CORO2B: variants seen among roughly 807,000 people sequenced by gnomAD.
CORO2B encodes the protein coronin 2B.
In CORO2B, 26 loss-of-function variants were observed where a neutral mutation model predicts 58.8. That is an observed-to-expected ratio of 0.44 (90% CI 0.32 to 0.61). The LOEUF is 0.61. CORO2B is among the 20% of genes least tolerant of loss of function. The pLI, the probability that CORO2B is intolerant of heterozygous loss-of-function variation, is 0.04. For missense variants in CORO2B, 460 were observed against 645.1 expected (o/e 0.71, Z 3.11); for synonymous variants, 242 against 253.8 (o/e 0.95, Z 0.44).
chr15:68,584,383 G>C (rs941161540), intron 1 of CORO2B, among the ~76,000 whole-genome samples: 1 of 152,160 alleles, frequency 6.6e-6, no homozygotes, highest in African/African-American at 2.4e-5. Context: ...GAGGAAGCTG[G>C]GAAGGGTTTG....
chr15:68,618,070 C>G (rs1035275441), intron 1 of CORO2B, among the ~76,000 whole-genome samples: 1 of 152,122 alleles, frequency 6.6e-6, no homozygotes, highest in African/African-American at 2.4e-5. Flanking sequence ...GGCTTTCAGA[C>G]TTTTTTGCTA....
chr15:68,530,911 C>A, the CORO2B span, among the ~76,000 whole-genome samples: 3 of 152,112 alleles, frequency 2.0e-5, no homozygotes, highest in African/African-American at 7.2e-5. Context: ...ATTGTTTAGA[C>A]CATTTACAGT....
chr15:68,578,717 G>T (rs1016757799), upstream of CORO2B, among the ~76,000 whole-genome samples: 1 of 152,084 alleles, frequency 6.6e-6, no homozygotes, highest in Non-Finnish European at 1.5e-5. This position sits in a 1 kb window ranked among gnomAD's most constrained non-coding sequence, Gnocchi z 4.2. Flanking sequence ...CCGGGGCGCC[G>T]CCCGTTCTCC....
In CORO2B at chr15:68,579,163, G is replaced by T. The variant is rs1899349334; in HGVS notation, c.-100G>T. ...GAGCCGCCGGCGGGGCGCGGGGAGC[G>T]AGCCGGGAGCTGCCGGACCCCCTTC... On this transcript the variant is annotated 5_prime_UTR_variant, in exon 1 of 12. Coordinates refer to ENST00000261861, the MANE Select transcript of CORO2B (RefSeq NM_006091.5). 1.0e-6 allele frequency: 1 copy of T among 980,932 alleles called. No homozygotes were observed. The highest frequency in any genetic ancestry group is 1.2e-6 in the Non-Finnish European group (1 of 828,150). The allele number at this position is 980,932 out of a possible 1,614,324, so 60.8% of individuals were successfully genotyped here.
the CORO2B span, among the ~76,000 whole-genome samples, chr15:68,524,657 A>C: frequency 6.6e-6 from 1 of 152,254 alleles, no homozygotes; most frequent in African/African-American, 2.4e-5. Flanking sequence ...AGTTAAATAA[A>C]TTCTTCTAAG....
At chr15:68,557,514 C>A in the CORO2B span, among the ~76,000 whole-genome samples, 1 of 152,218 alleles carries the variant, frequency 6.6e-6, no homozygotes, top group Non-Finnish European at 1.5e-5. Context: ...AGGGGCCAGT[C>A]TATCCAAGGT....
chr15:68,673,360 T>TA (rs11410636), intron 2 of CORO2B, among the ~76,000 whole-genome samples: 152,180 of 152,184 alleles, frequency 1, 76,088 homozygotes, highest in Non-Finnish European at 1. Context: ...ACCCTGTCTC[T>TA]CAAATGAAAA....
At chr15:68,707,727 A>G (rs1892816019) in intron 3 of CORO2B, among the ~76,000 whole-genome samples, 1 of 152,230 alleles carries the variant, frequency 6.6e-6, no homozygotes, top group African/African-American at 2.4e-5. Context: ...TAGCCCAAGC[A>G]TTAGTCTCCC....
At chr15:68,684,012 G>T (rs1596011910) in intron 2 of CORO2B, among the ~76,000 whole-genome samples, 1 of 152,164 alleles carries the variant, frequency 6.6e-6, no homozygotes, top group African/African-American at 2.4e-5. Flanking sequence ...TTTTGGAGCT[G>T]GGGAGTTATT....
At chr15:68,561,515 A>G in the CORO2B span, among the ~76,000 whole-genome samples, 1 of 152,168 alleles carries the variant, frequency 6.6e-6, no homozygotes, top group Non-Finnish European at 1.5e-5. Context: ...CCGGTTGTCA[A>G]GGAAACCAGG....
At chr15:68,679,505 A>G (rs1902703203) in intron 2 of CORO2B, among the ~76,000 whole-genome samples, 1 of 152,244 alleles carries the variant, frequency 6.6e-6, no homozygotes. Context: ...GCACAGAGGC[A>G]GAGGGAGGAA....
chr15:68,603,321 A>G (rs1900030038), intron 1 of CORO2B, among the ~76,000 whole-genome samples: 1 of 152,212 alleles, frequency 6.6e-6, no homozygotes, highest in Non-Finnish European at 1.5e-5. Flanking sequence ...GTATGCACAG[A>G]TGAGCGAAAG....
chr15:68,705,027 C>T (rs942023512), intron 3 of CORO2B, among the ~76,000 whole-genome samples: 3 of 152,170 alleles, frequency 2.0e-5, no homozygotes, highest in Non-Finnish European at 4.4e-5. Flanking sequence ...CCCAGCTACT[C>T]AGGCCCACTG....
chr15:68,623,244 G>A (rs1019069527), intron 1 of CORO2B, among the ~76,000 whole-genome samples: 1 of 152,328 alleles, frequency 6.6e-6, no homozygotes, highest in Admixed American at 6.5e-5. Context: ...GTCACACAGC[G>A]AGGAACCGGC....
At position 68,579,138 on chromosome 15, in the gene CORO2B, G is replaced by T. The variant is rs1276873346; in HGVS notation, c.-125G>T. ...CGGAGCGCAGCCCCCAGGCTCGGCC[G>T]AGCCGCCGGCGGGGCGCGGGGAGCG... On this transcript the variant is annotated 5_prime_UTR_variant, in exon 1 of 12. Transcript: ENST00000261861. 6 of 981,498 alleles carry T rather than the reference G, an allele frequency of 6.1e-6. No individual in the cohort carries two copies. The highest frequency in any genetic ancestry group is 7.2e-6 in the Non-Finnish European group (6 of 828,302). 60.8% of individuals were successfully genotyped at this position (981,498 alleles called of 1,614,324 possible).
chr15:68,545,612 C>CTGGGGGGGG, the CORO2B span, among the ~76,000 whole-genome samples: 6 of 53,290 alleles, frequency 1.1e-4, no homozygotes, highest in South Asian at 8.7e-4. Context: ...ATGCGGGGGG[C>CTGGGGGGGG]GGGGGGGGTA....
At chr15:68,545,606 G>C in the CORO2B span, among the ~76,000 whole-genome samples, 3 of 104,478 alleles carry the variant, frequency 2.9e-5, no homozygotes, top group South Asian at 3.3e-4. Context: ...ACAGGAATGC[G>C]GGGGGCGGGG....
intron 2 of CORO2B, among the ~76,000 whole-genome samples, chr15:68,667,560 A>G (rs976880294): frequency 6.6e-6 from 1 of 152,256 alleles, no homozygotes; most frequent in Non-Finnish European, 1.5e-5. Context: ...AGTCTTGGCC[A>G]AAGCCCCACA....
At chr15:68,724,676 T>C (rs1893250060) in intron 11 of CORO2B, among the ~76,000 whole-genome samples, 1 of 152,206 alleles carries the variant, frequency 6.6e-6, no homozygotes, top group Non-Finnish European at 1.5e-5. Context: ...ACAACAACTC[T>C]CTTTTTGTGC....
Sources: gnomAD v4.1 joint callset for allele counts (sites outside exome capture counted in the v4.1 genomes callset) on GRCh38, gnomAD v4.1.1 for gene constraint, Gnocchi (gnomAD v3.1) non-coding constraint, MANE v1.5 for transcripts, NCBI Gene and HGNC (gene_info 2026-07-23, HGNC 2026-07-21) for gene names.